UBE3C: variants seen among roughly 807,000 people sequenced by gnomAD.
The protein encoded by UBE3C is ubiquitin-protein ligase E3C.
UBE3C carries 42 observed loss-of-function variants against 129.4 expected under a neutral mutation model. The observed-to-expected ratio is 0.32, with a 90% CI of 0.25 to 0.42. The LOEUF (loss-of-function observed/expected upper bound fraction) is 0.42. Among genes scored for constraint, UBE3C ranks in the 10% least tolerant of loss-of-function variants. The pLI is 1.00. For synonymous variants in UBE3C, 510 were observed against 492.4 expected, an observed-to-expected ratio of 1.04 and a Z score of -0.47; for missense variants, 1,049 against 1,319.1, an observed-to-expected ratio of 0.80 and a Z score of 3.17.
At chr7:157,211,366 GCCTTAT>G (rs1203688626) in intron 13 of UBE3C, among the ~76,000 whole-genome samples, 2 of 152,158 alleles carry the variant, frequency 1.3e-5, no homozygotes, top group Non-Finnish European at 2.9e-5. Flanking sequence ...GTAGCGCTGT[GCCTTAT>G]CCTTTTCTGT....
chr7:157,244,464 A>G (rs1014669366), intron 18 of UBE3C, among the ~76,000 whole-genome samples: 1 of 152,218 alleles, frequency 6.6e-6, no homozygotes, highest in Non-Finnish European at 1.5e-5. Flanking sequence ...AATAATTAAA[A>G]TTATCTGCTT....
chr7:157,150,075 G>A (rs750230485), intron 1 of UBE3C, among the ~76,000 whole-genome samples: 1 of 152,116 alleles, frequency 6.6e-6, no homozygotes, highest in African/African-American at 2.4e-5. Flanking sequence ...GGTTATAACA[G>A]ATTTATCAAG....
intron 18 of UBE3C, among the ~76,000 whole-genome samples, chr7:157,236,738 T>C (rs1796161962): frequency 2.0e-5 from 3 of 152,014 alleles, no homozygotes; most frequent in South Asian, 2.1e-4. Context: ...TCTTTTTTTT[T>C]TCTCTTTTTT....
At chr7:157,223,205 G>A (rs756374289) in intron 15 of UBE3C, 49 bp from the exon 16 acceptor site, 35 of 1,562,626 alleles carry the variant, frequency 2.2e-5, no homozygotes, top group Non-Finnish European at 2.6e-5. Context: ...CAGTGGGAAT[G>A]CAGGGGAAAG....
At chr7:157,263,696 G>A (rs114117715) in intron 22 of UBE3C, among the ~76,000 whole-genome samples, 2,213 of 148,480 alleles carry the variant, frequency 0.015, 54 homozygotes, top group African/African-American at 0.051. Context: ...CAAGTATTAG[G>A]AACATTCACT....
intron 17 of UBE3C, among the ~76,000 whole-genome samples, chr7:157,228,867 G>A (rs1026854235): frequency 3.3e-5 from 5 of 152,162 alleles, no homozygotes; most frequent in Non-Finnish European, 7.3e-5. Context: ...CTCCAGGTAC[G>A]GTAACTTCAA....
chr7:157,261,784 TACAG>T (rs1345160099), intron 22 of UBE3C, among the ~76,000 whole-genome samples: 3 of 152,238 alleles, frequency 2.0e-5, no homozygotes, highest in East Asian at 3.8e-4. Flanking sequence ...ATGTGATTGT[TACAG>T]ACAAAAAATC....
At chr7:157,180,826 T>C (rs1808647783) in intron 6 of UBE3C, among the ~76,000 whole-genome samples, 1 of 152,192 alleles carries the variant, frequency 6.6e-6, no homozygotes. Context: ...AGTTCCCAGA[T>C]TGTGGTCTCC....
chr7:157,268,853 G>GAAAGCGTTTC lies in UBE3C; in HGVS notation c.*1106_*1115dup, dbSNP rs1234948399. 1 of 152,658 alleles carries GAAAGCGTTTC rather than the reference G, an allele frequency of 6.6e-6. No individual in the cohort carries two copies. The highest frequency in any genetic ancestry group is 1.5e-5 in the Non-Finnish European group (1 of 68,058). The allele number at this position is 152,658 out of a possible 1,614,324, so 9.5% of individuals were successfully genotyped here. ...TGGGTGATTTTAGTCTCTACAAACA[G>GAAAGCGTTTC]AAAGCGTTTCAAAGCGTCAGCTGTG... On this transcript the variant is annotated 3_prime_UTR_variant, in exon 23 of 23. Coordinates refer to ENST00000348165, the MANE Select transcript of UBE3C (RefSeq NM_014671.3).
chr7:157,171,754 T>G lies in UBE3C; in HGVS notation c.342+1304T>G, dbSNP rs898866292. Among the ~76,000 whole-genome samples, 5 of 131,062 alleles carry G rather than the reference T, an allele frequency of 3.8e-5. No individual in the cohort carries two copies. In the Admixed American group the frequency reaches 4.3e-4, roughly 11 times the overall value. 86.0% of individuals were successfully genotyped at this position (131,062 alleles called of 152,430 possible). A position where few individuals can be genotyped will look rare whatever the true frequency, so the allele number is the denominator to read the frequency against. ...CAGAGTCTTGCTCTGTCACCCAGGCTGGAATGCAGTGGCATCATCTCGGCT... is the reference window on the plus strand; with the variant it reads ...CAGAGTCTTGCTCTGTCACCCAGGCGGGAATGCAGTGGCATCATCTCGGCT... On this transcript the variant is annotated intron_variant, in intron 4 of 22. Coordinates refer to ENST00000348165, the MANE Select transcript of UBE3C (RefSeq NM_014671.3).
chr7:157,201,396 A>G (rs1421225474), intron 10 of UBE3C, among the ~76,000 whole-genome samples: 1 of 147,754 alleles, frequency 6.8e-6, no homozygotes, highest in Non-Finnish European at 1.5e-5. Flanking sequence ...TTAATACGAT[A>G]TGTAGCAGAG....
intron 11 of UBE3C, among the ~76,000 whole-genome samples, chr7:157,205,689 T>C (rs1312782604): frequency 6.6e-6 from 1 of 152,242 alleles, no homozygotes; most frequent in Non-Finnish European, 1.5e-5. Context: ...AAGAATGGCA[T>C]TCATTCATTG....
Position 157,264,356 on chromosome 7 carries a change from TACAC to T in UBE3C, c.3082-3220_3082-3217del, listed in dbSNP as rs35601959. On this transcript the variant is annotated intron_variant, in intron 22 of 22. Transcript: ENST00000348165. ...GTGTGAGCCAACATGCTCGGCCTGT[TACAC>T]ACACACACCTGGTACTACAGGTGTG... is the stretch of plus-strand genomic sequence containing the variant. Among the ~76,000 whole-genome samples the T allele has an allele frequency of 1.3e-4, 14 of 108,814 alleles. No individual in the cohort carries two copies. In the South Asian group the frequency reaches 3.5e-3, roughly 28 times the overall value. 71.4% of individuals were successfully genotyped at this position (108,814 alleles called of 152,430 possible).
intron 11 of UBE3C, among the ~76,000 whole-genome samples, chr7:157,202,690 C>T (rs1003318265): frequency 2.0e-5 from 3 of 152,086 alleles, no homozygotes; most frequent in African/African-American, 7.2e-5. Context: ...TGCCAATCCC[C>T]CTGTGCTGTA....
intron 18 of UBE3C, among the ~76,000 whole-genome samples, chr7:157,233,458 A>G (rs1270166224): frequency 6.6e-6 from 1 of 152,016 alleles, no homozygotes; most frequent in African/African-American, 2.4e-5. Context: ...ATTTCATTTT[A>G]TCGTAGAGGC....
rs756963211 is a variant in UBE3C, at chr7:157,223,273, G to A, written c.2022G>A (p.Pro674=). 3.6e-5 allele frequency: 58 copies of A among 1,613,962 alleles called. No homozygotes were observed. Among genetic ancestry groups the A allele is most frequent in the Middle Eastern group, 3.3e-4 (2 of 6,084 alleles). The change falls in exon 16 of 23, where the codon CCG becomes CCA. Residue 674 remains proline, a synonymous_variant. Transcript: ENST00000348165. The part of the protein sequence containing the change: ...STLDVGLESP[P]LSVSEERQLA... ...TTTTAGTGGGTTTGGAGTCCCCGCC[G>A]CTGTCTGTGTCTGAGGAAAGACAGC... is the stretch of plus-strand genomic sequence containing the variant.
rs745338974 is a variant in UBE3C at position 157,248,373 on chromosome 7, C to G, written c.2487C>G (p.Leu829=). Residue 829 remains leucine, a synonymous_variant, in exon 19 of 23, where the codon CTC becomes CTG. Coordinates refer to ENST00000348165, the MANE Select transcript of UBE3C (RefSeq NM_014671.3). ...GTCACTGTTCTCTTTTGAAGGCTCTCTATGAGAACATGCTGGTGGAGCTGC... is the reference window on the plus strand; with the variant it reads ...GTCACTGTTCTCTTTTGAAGGCTCTGTATGAGAACATGCTGGTGGAGCTGC... ...YFLGRMLGKA[L]YENMLVELPF... 12 of 1,613,114 alleles carry G rather than the reference C, an allele frequency of 7.4e-6. No homozygotes were observed. The highest frequency in any genetic ancestry group is 4.0e-5 in the African/African-American group (3 of 74,842).
intron 10 of UBE3C, among the ~76,000 whole-genome samples, chr7:157,190,612 A>G (rs1056536671): frequency 6.6e-6 from 1 of 152,078 alleles, no homozygotes; most frequent in South Asian, 2.1e-4. Flanking sequence ...TATTCCCACC[A>G]TGGTGCTCGA....
chr7:157,233,376 T>C (rs1266047921), intron 18 of UBE3C, among the ~76,000 whole-genome samples: 1 of 152,056 alleles, frequency 6.6e-6, no homozygotes, highest in Non-Finnish European at 1.5e-5. Flanking sequence ...GTCCTGCGCT[T>C]AAGGAGGCCT....
Sources: gnomAD v4.1 joint callset for allele counts (sites outside exome capture counted in the v4.1 genomes callset) on GRCh38, gnomAD v4.1.1 for gene constraint, MANE v1.5 for transcripts, NCBI Gene and HGNC (gene_info 2026-07-23, HGNC 2026-07-21) for gene names.